Variants in HPSE2 observed in about 807,000 individuals in gnomAD.
The protein encoded by HPSE2 is inactive heparanase-2.
In HPSE2, 38 loss-of-function variants were observed where a neutral mutation model predicts 60.5. The ratio of observed to expected loss-of-function variants is 0.63; its 90% CI spans 0.48 to 0.82. The LOEUF is 0.82. Among genes scored for constraint, HPSE2 ranks in the 40% least tolerant of loss-of-function variants. The pLI, the probability that HPSE2 is intolerant of heterozygous loss-of-function variation, is 0.00. For missense variants in HPSE2, 713 were observed against 740.4 expected (o/e 0.96, Z 0.43); for synonymous variants, 295 against 293.2 (o/e 1.01, Z -0.06).
intron 3 of HPSE2, among the ~76,000 whole-genome samples, chr10:99,073,623 G>T (rs1842867602): frequency 6.6e-6 from 1 of 152,018 alleles, no homozygotes; most frequent in African/African-American, 2.4e-5. Context: ...ATGAACCCTG[G>T]AACTTAAAAT....
chr10:98,898,562 G>A (rs1318463616), intron 3 of HPSE2, among the ~76,000 whole-genome samples: 2 of 152,090 alleles, frequency 1.3e-5, no homozygotes, highest in Non-Finnish European at 2.9e-5. Flanking sequence ...TGTTTCTAGG[G>A]GCTCAGAGGA....
intron 3 of HPSE2, among the ~76,000 whole-genome samples, chr10:98,788,917 C>A (rs147703408): frequency 6.6e-6 from 1 of 152,164 alleles, no homozygotes; most frequent in Admixed American, 6.6e-5. Context: ...GCGTCGCTCA[C>A]GCTGGGAGCT....
intron 3 of HPSE2, among the ~76,000 whole-genome samples, chr10:98,798,563 C>T (rs567428699): frequency 6.6e-6 from 1 of 152,158 alleles, no homozygotes; most frequent in East Asian, 1.9e-4. Context: ...AGAGAAACAA[C>T]AAAAGTTAAA....
intron 3 of HPSE2, among the ~76,000 whole-genome samples, chr10:98,985,231 C>T (rs1331587803): frequency 6.6e-6 from 1 of 152,132 alleles, no homozygotes; most frequent in Non-Finnish European, 1.5e-5. Context: ...ATGTTAAGGG[C>T]AGCCAGAGAG....
chr10:98,505,711 G>A (rs994385007), intron 9 of HPSE2, among the ~76,000 whole-genome samples: 1 of 152,164 alleles, frequency 6.6e-6, no homozygotes, highest in East Asian at 1.9e-4. Context: ...GGGTACTTAT[G>A]AGATAGGTAT....
chr10:99,264,822 C>A, the HPSE2 span, among the ~76,000 whole-genome samples: 1 of 151,846 alleles, frequency 6.6e-6, no homozygotes, highest in South Asian at 2.1e-4. Context: ...CCCCTCACCC[C>A]AAAATCTTTC....
intron 3 of HPSE2, chr10:99,014,070 TG>T (rs1957078643): frequency 5.5e-6 from 1 of 182,368 alleles, no homozygotes; most frequent in East Asian, 1.8e-4. Flanking sequence ...GCTCCCGCCC[TG>T]GTTGCTGGCC....
chr10:98,981,043 T>A (rs1228534607), intron 3 of HPSE2, among the ~76,000 whole-genome samples: 1 of 152,174 alleles, frequency 6.6e-6, no homozygotes, highest in East Asian at 1.9e-4. Context: ...AATATGTTTA[T>A]GTTACATGGC....
chr10:99,154,880 T>C lies in HPSE2; in HGVS notation c.449-10481A>G, dbSNP rs1220168154. On this transcript the variant is annotated intron_variant, in intron 2 of 11. Transcript: ENST00000370552. ...CCCAACTCACGTGCAGAGACACACA[T>C]AGGCTCAAAATAAAGGGATGGAGGA... is the stretch of plus-strand genomic sequence containing the variant. 6.6e-5 allele frequency among the ~76,000 whole-genome samples: 10 copies of C among 152,104 alleles called. No individual in the cohort carries two copies. In the East Asian group the frequency reaches 9.7e-4, roughly 15 times the overall value.
rs867598853 is a variant in HPSE2 at position 99,170,098 on chromosome 10, G to C, written c.449-25699C>G. 2.0e-5 allele frequency among the ~76,000 whole-genome samples: 3 copies of C among 152,042 alleles called. No homozygotes were observed. In the South Asian group the frequency reaches 6.2e-4, roughly 31 times the overall value. The stretch of plus-strand genomic sequence containing the variant: ...TGCTGACTCCTGCTTGAGAGGAATG[G>C]GTAGAGTAGAATATCCTTTCACAGA... On this transcript the variant is annotated intron_variant, in intron 2 of 11. Transcript: ENST00000370552.
At chr10:98,843,249 T>C (rs921786181) in intron 3 of HPSE2, among the ~76,000 whole-genome samples, 9 of 152,144 alleles carry the variant, frequency 5.9e-5, no homozygotes, top group Non-Finnish European at 1.0e-4. Context: ...TATGTGTCCA[T>C]GCGTTCTCAT....
chr10:99,222,434 A>G (rs1849345336), intron 2 of HPSE2, among the ~76,000 whole-genome samples: 1 of 152,216 alleles, frequency 6.6e-6, no homozygotes, highest in Admixed American at 6.5e-5. Flanking sequence ...CTTTCTTGAA[A>G]TCTCACCTTT....
At position 99,053,478 on chromosome 10, in the gene HPSE2, G is replaced by T. The variant is rs551691356; in HGVS notation, c.610+90760C>A. Among the ~76,000 whole-genome samples, 4 of 152,080 alleles carry T rather than the reference G, an allele frequency of 2.6e-5. No individual in the cohort carries two copies. In the South Asian group the frequency reaches 8.3e-4, roughly 32 times the overall value. ...TAAAAAACAGAAGAAAAACAAAACAGACAGGACAAAGGAAACAACAAAACG... is the reference window on the plus strand; with the variant it reads ...TAAAAAACAGAAGAAAAACAAAACATACAGGACAAAGGAAACAACAAAACG... On this transcript the variant is annotated intron_variant, in intron 3 of 11. Transcript: ENST00000370552.
At chr10:98,881,138 T>C (rs906677966) in intron 3 of HPSE2, among the ~76,000 whole-genome samples, 1 of 152,076 alleles carries the variant, frequency 6.6e-6, no homozygotes, top group Non-Finnish European at 1.5e-5. Context: ...GTCTCTGGCC[T>C]CAGCACAGGC....
intron 6 of HPSE2, among the ~76,000 whole-genome samples, chr10:98,658,522 C>A (rs887980190): frequency 6.6e-6 from 1 of 151,954 alleles, no homozygotes; most frequent in African/African-American, 2.4e-5. Flanking sequence ...TTATCACTAT[C>A]ATTGATTGAA....
chr10:98,935,041 A>G (rs907135809), intron 3 of HPSE2, among the ~76,000 whole-genome samples: 1 of 141,318 alleles, frequency 7.1e-6, no homozygotes, highest in Admixed American at 7.1e-5. Context: ...ATAGCCTTCA[A>G]GCTCTGATAT....
chr10:98,572,171 C>G (rs1262623437), intron 9 of HPSE2, among the ~76,000 whole-genome samples: 1 of 152,114 alleles, frequency 6.6e-6, no homozygotes, highest in Non-Finnish European at 1.5e-5. Flanking sequence ...GAACTCCTGA[C>G]CTCAGGTGAT....
chr10:99,157,352 T>A (rs1846614832), intron 2 of HPSE2, among the ~76,000 whole-genome samples: 1 of 86,356 alleles, frequency 1.2e-5, no homozygotes, highest in Non-Finnish European at 2.4e-5. Flanking sequence ...CTTCAAACTA[T>A]ACTACAAGGC....
At chr10:98,765,417 A>C (rs960117432) in intron 3 of HPSE2, among the ~76,000 whole-genome samples, 8 of 152,230 alleles carry the variant, frequency 5.3e-5, no homozygotes, top group African/African-American at 1.9e-4. Context: ...TTTTAGGTAA[A>C]AGACAAGTCA....
Sources: gnomAD v4.1 joint callset for allele counts (sites outside exome capture counted in the v4.1 genomes callset) on GRCh38, gnomAD v4.1.1 for gene constraint, MANE v1.5 for transcripts, NCBI Gene and HGNC (gene_info 2026-07-23, HGNC 2026-07-21) for gene names.